WDFY4: variants seen among roughly 807,000 people sequenced by gnomAD.
WDFY4 encodes WD repeat- and FYVE domain-containing protein 4.
Under a neutral mutation model 351.9 loss-of-function variants are expected in WDFY4, and 169 were observed. The observed-to-expected ratio is 0.48, with a 90% CI of 0.42 to 0.55. WDFY4 has a LOEUF of 0.55. Ranked by LOEUF, WDFY4 falls within the 20% of genes least tolerant of loss-of-function variation. WDFY4 has a pLI of 0.00. For missense variants in WDFY4, 3,803 were observed against 3,935.6 expected, an observed-to-expected ratio of 0.97 and a Z score of 0.90; for synonymous variants, 1,622 against 1,574.6, an observed-to-expected ratio of 1.03 and a Z score of -0.71.
intron 43 of WDFY4, among the ~76,000 whole-genome samples, chr10:48,889,037 C>T (rs538333901): frequency 4.1e-4 from 62 of 152,300 alleles, no homozygotes; most frequent in African/African-American, 1.4e-3. Flanking sequence ...AGGCTGAATC[C>T]GTAACTGCTG....
chr10:48,871,946 T>C (rs2069799717), intron 40 of WDFY4, among the ~76,000 whole-genome samples: 1 of 152,230 alleles, frequency 6.6e-6, no homozygotes, highest in Admixed American at 6.5e-5. Context: ...TATTAAGCTC[T>C]TGAAAATATT....
chr10:48,764,206 C>T (rs1021016971), intron 13 of WDFY4, among the ~76,000 whole-genome samples: 1 of 152,180 alleles, frequency 6.6e-6, no homozygotes, highest in Admixed American at 6.5e-5. Context: ...TATGGGTGTT[C>T]TCTTCTAGTT....
chr10:48,698,285 T>C (rs1217468529), intron 1 of WDFY4, among the ~76,000 whole-genome samples: 1 of 152,170 alleles, frequency 6.6e-6, no homozygotes, highest in Non-Finnish European at 1.5e-5. Flanking sequence ...ATTACACCAA[T>C]CTCCTGCACA....
chr10:48,889,292 T>A (rs904485964), intron 43 of WDFY4, among the ~76,000 whole-genome samples: 1 of 152,206 alleles, frequency 6.6e-6, no homozygotes, highest in East Asian at 1.9e-4. Context: ...TGGAACAAAA[T>A]GCTCAGTGAA....
chr10:48,851,364 C>T (rs1296464671), intron 39 of WDFY4, among the ~76,000 whole-genome samples: 1 of 152,164 alleles, frequency 6.6e-6, no homozygotes, highest in Admixed American at 6.5e-5. Context: ...TGAAAAATGT[C>T]CACTATTTGT....
chr10:48,701,598 C>T (rs2063482025), intron 1 of WDFY4, among the ~76,000 whole-genome samples: 1 of 152,208 alleles, frequency 6.6e-6, no homozygotes, highest in African/African-American at 2.4e-5. Flanking sequence ...TGAGTGAGTT[C>T]TTATCTGAGG....
At chr10:48,902,417 T>C (rs1354183652) in intron 47 of WDFY4, among the ~76,000 whole-genome samples, 1 of 152,218 alleles carries the variant, frequency 6.6e-6, no homozygotes, top group Non-Finnish European at 1.5e-5. Context: ...GTAGGTGTTT[T>C]TATTTCAGTC....
intron 47 of WDFY4, among the ~76,000 whole-genome samples, chr10:48,920,371 TG>T (rs973785574): frequency 6.8e-5 from 5 of 73,610 alleles, no homozygotes; most frequent in Non-Finnish European, 1.1e-4. Flanking sequence ...TGTTGTGGGG[TG>T]GGGGGAAGGG....
chr10:48,809,244 TCAC>T (rs776708001), intron 28 of WDFY4, among the ~76,000 whole-genome samples: 85 of 144,900 alleles, frequency 5.9e-4, no homozygotes, highest in Non-Finnish European at 1.1e-3. Context: ...TTAATCACCA[TCAC>T]CACCACCACC....
At chr10:48,759,337 C>T (rs1315273961) in intron 12 of WDFY4, among the ~76,000 whole-genome samples, 1 of 152,170 alleles carries the variant, frequency 6.6e-6, no homozygotes, top group Non-Finnish European at 1.5e-5. Context: ...CTTGCTGGCT[C>T]CCAAGGGGTC....
rs189532972 is a variant in WDFY4 at position 48,704,149 on chromosome 10, G to T, written c.-17-5567G>T. ...TGCTGGACCTCTTCCCATTGTTCAT[G>T]CAGGAAGGGCAGAGAGGGACTGGGA... On this transcript the variant is annotated intron_variant, in intron 1 of 61. Coordinates refer to ENST00000325239, the MANE Select transcript of WDFY4 (RefSeq NM_001394531.1). Among the ~76,000 whole-genome samples the T allele has an allele frequency of 1.4e-4, 22 of 152,184 alleles. No homozygotes were observed. In the East Asian group the frequency reaches 1.7e-3, roughly 12 times the overall value.
chr10:48,748,818 G>A (rs7082315), intron 12 of WDFY4, among the ~76,000 whole-genome samples: 13,970 of 152,200 alleles, frequency 0.092, 766 homozygotes, highest in East Asian at 0.19. Flanking sequence ...ATGGGAGACA[G>A]GGTGCTCGTC....
At chr10:48,913,742 G>T in intron 47 of WDFY4, 10 of 1,613,736 alleles carry the variant, frequency 6.2e-6, no homozygotes, top group Non-Finnish European at 8.5e-6. Context: ...CCCCCAGTGT[G>T]GTGGGCACGC....
intron 47 of WDFY4, among the ~76,000 whole-genome samples, chr10:48,906,002 C>T (rs1837598602): frequency 6.6e-6 from 1 of 152,218 alleles, no homozygotes; most frequent in Non-Finnish European, 1.5e-5. Flanking sequence ...GGTGGGAAGG[C>T]AGTGGTGGCC....
At chr10:48,778,265 C>T (rs1444040711) in intron 17 of WDFY4, among the ~76,000 whole-genome samples, 2 of 152,238 alleles carry the variant, frequency 1.3e-5, no homozygotes, top group Non-Finnish European at 2.9e-5. Flanking sequence ...CTGTCTATAT[C>T]GCCAACCCTG....
At position 48,835,691 on chromosome 10, in the gene WDFY4, A is replaced by C. The variant is rs77681718; in HGVS notation, c.6663+2982A>C. Among the ~76,000 whole-genome samples, 521 of 152,302 alleles carry C rather than the reference A, an allele frequency of 3.4e-3. 1 individual carries two copies. Among genetic ancestry groups the C allele is most frequent in the African/African-American group, 0.012 (504 of 41,556 alleles). Reference sequence around the variant, plus strand: ...GTAATTGCACACAACTAGTGGGATAAATTTTTGAGCCACCTACGCATACAA... The same window carrying C: ...GTAATTGCACACAACTAGTGGGATACATTTTTGAGCCACCTACGCATACAA... On this transcript the variant is annotated intron_variant, in intron 39 of 61. Coordinates refer to ENST00000325239, the MANE Select transcript of WDFY4 (RefSeq NM_001394531.1).
At position 48,850,459 on chromosome 10, in the gene WDFY4, A is replaced by G. The variant is rs561385771; in HGVS notation, c.6664-16806A>G. Among the ~76,000 whole-genome samples, 22 of 152,288 alleles carry G rather than the reference A, an allele frequency of 1.4e-4. No individual in the cohort carries two copies. The South Asian group carries it at 2.5e-3, about 17-fold the overall frequency. ...CAAATGGTTCCAGCTTTTTTCTCAT[A>G]GTATTTAACTGATCTCATATGCGCT... On this transcript the variant is annotated intron_variant, in intron 39 of 61. Transcript: ENST00000325239.
At chr10:48,908,059 G>A (rs1395320303) in intron 47 of WDFY4, among the ~76,000 whole-genome samples, 1 of 152,154 alleles carries the variant, frequency 6.6e-6, no homozygotes, top group Non-Finnish European at 1.5e-5. Flanking sequence ...CTTGGCCGTG[G>A]CCCCATTCCA....
chr10:48,720,665 G>C (rs2064054536), intron 3 of WDFY4, among the ~76,000 whole-genome samples: 2 of 151,986 alleles, frequency 1.3e-5, no homozygotes, highest in African/African-American at 2.4e-5. Context: ...CACACACACA[G>C]AACACACGGG....
Sources: allele counts gnomAD v4.1 joint callset (sites outside exome capture counted in the v4.1 genomes callset), GRCh38; gene constraint gnomAD v4.1.1; transcripts MANE v1.5; gene names NCBI Gene and HGNC (gene_info 2026-07-23, HGNC 2026-07-21).